AFF1: variants seen among roughly 807,000 people sequenced by gnomAD.
The protein encoded by AFF1 is ALF transcription elongation factor 1.
In AFF1, 48 loss-of-function variants were observed where a neutral mutation model predicts 121.7. The observed-to-expected ratio is 0.39, with a 90% confidence interval of 0.31 to 0.50. The LOEUF is 0.50. Among genes scored for constraint, AFF1 ranks in the 20% least tolerant of loss-of-function variants. AFF1 has a pLI of 0.76. For synonymous variants in AFF1, 613 were observed against 563.0 expected, an observed-to-expected ratio of 1.09 and a Z score of -1.26; for missense variants, 1,523 against 1,511.7, an observed-to-expected ratio of 1.01 and a Z score of -0.12.
intron 2 of AFF1, among the ~76,000 whole-genome samples, chr4:87,006,684 T>C (rs1726151928): frequency 6.6e-6 from 1 of 152,206 alleles, no homozygotes; most frequent in African/African-American, 2.4e-5. Flanking sequence ...TCAACAAATA[T>C]TCAAATTGGA....
At chr4:87,054,206 G>T (rs1662965896) in intron 4 of AFF1, among the ~76,000 whole-genome samples, 1 of 152,244 alleles carries the variant, frequency 6.6e-6, no homozygotes, top group Admixed American at 6.5e-5. Context: ...CCCTAGGGGG[G>T]CTGAGTTTGT....
At chr4:86,992,793 C>T (rs1274948398) in intron 2 of AFF1, among the ~76,000 whole-genome samples, 1 of 152,166 alleles carries the variant, frequency 6.6e-6, no homozygotes, top group East Asian at 1.9e-4. Context: ...TATAAAATGA[C>T]AAGATTTAAT....
chr4:86,963,764 A>C (rs1427005382), intron 2 of AFF1, among the ~76,000 whole-genome samples: 2 of 151,118 alleles, frequency 1.3e-5, no homozygotes, highest in African/African-American at 4.9e-5. Context: ...GTCATCCTTT[A>C]AGGTTCAGCT....
At chr4:87,042,036 CAG>C (rs1163303530) in intron 2 of AFF1, among the ~76,000 whole-genome samples, 1 of 150,414 alleles carries the variant, frequency 6.6e-6, no homozygotes, top group Non-Finnish European at 1.5e-5. Flanking sequence ...AAAGTTGCTA[CAG>C]AGTTTGTGAA....
intron 4 of AFF1, among the ~76,000 whole-genome samples, chr4:87,064,734 C>T (rs186157049): frequency 6.4e-4 from 98 of 152,148 alleles, no homozygotes; most frequent in Non-Finnish European, 1.2e-3. Flanking sequence ...CAAAAATTAG[C>T]CAGGCATGGT....
At chr4:86,986,189 G>C (rs1319794406) in intron 2 of AFF1, among the ~76,000 whole-genome samples, 5 of 151,696 alleles carry the variant, frequency 3.3e-5, no homozygotes, top group Non-Finnish European at 7.4e-5. Flanking sequence ...CTTGTGCCTC[G>C]ACCTCCCGAG....
intron 2 of AFF1, among the ~76,000 whole-genome samples, chr4:87,022,316 A>T (rs2149561149): frequency 6.6e-6 from 1 of 151,792 alleles, no homozygotes; most frequent in East Asian, 1.9e-4. Context: ...TTGTGCTAGG[A>T]GCCAAGGTAG....
At chr4:87,073,411 A>G (rs1722328815) in intron 4 of AFF1, among the ~76,000 whole-genome samples, 1 of 151,780 alleles carries the variant, frequency 6.6e-6, no homozygotes, top group Admixed American at 6.6e-5. Flanking sequence ...AGTGTCAGTA[A>G]TCCCCAGGGT....
Position 87,126,457 on chromosome 4 carries a change from CTGTT to C in AFF1, c.2811+125_2811+128del, listed in dbSNP as rs1728258078. The C allele has an allele frequency of 5.6e-6, 5 of 896,046 alleles. No homozygotes were observed. The East Asian group carries it at 7.4e-5, about 13-fold the overall frequency. The allele number at this position is 896,046 out of a possible 1,614,324, so 55.5% of individuals were successfully genotyped here. ...CTGTCCATTGCTTTTAATGAGGCAA[CTGTT>C]TGTGTTTAAAATGCTACTTTTTGGA... On this transcript the variant is annotated intron_variant, in intron 14 of 20. Transcript: ENST00000395146.
At chr4:87,035,326 C>G (rs554095811) in intron 2 of AFF1, among the ~76,000 whole-genome samples, 8 of 152,160 alleles carry the variant, frequency 5.3e-5, no homozygotes, top group African/African-American at 1.4e-4. Flanking sequence ...CTTTGGGAGG[C>G]CGAGGAGGGC....
rs1726114176 is a variant in AFF1 at position 87,108,185 on chromosome 4, T to C, written c.1403T>C (p.Val468Ala). The C allele has an allele frequency of 1.2e-6, 2 of 1,613,916 alleles. No homozygotes were observed. Among genetic ancestry groups the C allele is most frequent in the Non-Finnish European group, 8.5e-7 (1 of 1,179,958 alleles). Reference protein sequence around the residue: ...PSAPQSLPEPVASAHSSSAES... With the variant: ...PSAPQSLPEPAASAHSSSAES... ...GCTCCACAGTCCCTTCCAGAACCAG[T>C]GGCATCAGCACATTCCAGCAGTGCA... is the stretch of plus-strand genomic sequence containing the variant. Residue 468 changes from valine (V) to alanine (A), a missense_variant, in exon 11 of 21, where the codon GTG becomes GCG. By Grantham distance (64) the Val-to-Ala change is moderately conservative (BLOSUM62 0). Coordinates refer to ENST00000395146, the MANE Select transcript of AFF1 (RefSeq NM_001166693.3).
intron 2 of AFF1, among the ~76,000 whole-genome samples, chr4:86,958,283 C>T (rs1055650713): frequency 3.3e-5 from 5 of 151,484 alleles, no homozygotes; most frequent in East Asian, 2.0e-4. Flanking sequence ...TTAGTAGAAA[C>T]GGGGTTTCAC....
intron 2 of AFF1, 55 bp downstream of exon 2, chr4:86,948,626 C>G (rs1721037794): frequency 6.7e-7 from 1 of 1,484,782 alleles, no homozygotes; most frequent in Non-Finnish European, 9.1e-7. Context: ...TTATAATCTA[C>G]TTTTCAATGA....
In AFF1 at chr4:86,996,882, A is replaced by G. The variant is rs187520774; in HGVS notation, c.38+48311A>G. Among the ~76,000 whole-genome samples the G allele has an allele frequency of 2.0e-5, 3 of 152,298 alleles. No homozygotes were observed. In the East Asian group the frequency reaches 5.8e-4, roughly 29 times the overall value. On this transcript the variant is annotated intron_variant, in intron 2 of 20. Transcript: ENST00000395146. ...AAGATTAACGAGTTTATGGGTTACCATGGGAGGAGAACTGGTGGCTTTTAA... is the reference window on the plus strand; with the variant it reads ...AAGATTAACGAGTTTATGGGTTACCGTGGGAGGAGAACTGGTGGCTTTTAA...
intron 4 of AFF1, among the ~76,000 whole-genome samples, chr4:87,073,835 CT>C (rs1337043391): frequency 6.6e-6 from 1 of 152,212 alleles, no homozygotes; most frequent in Non-Finnish European, 1.5e-5. Flanking sequence ...ATTGTTTGCA[CT>C]TTCATTTGAC....
At chr4:87,028,370 G>A (rs1457687578) in intron 2 of AFF1, among the ~76,000 whole-genome samples, 1 of 151,600 alleles carries the variant, frequency 6.6e-6, no homozygotes, top group Non-Finnish European at 1.5e-5. Context: ...GGCCCATTTT[G>A]ACAGTGCATG....
intron 2 of AFF1, among the ~76,000 whole-genome samples, chr4:87,014,665 T>A (rs1213780207): frequency 1.3e-5 from 2 of 152,348 alleles, no homozygotes; most frequent in East Asian, 3.9e-4. Context: ...TTATACAGTG[T>A]AATTAAATTT....
At chr4:87,057,050 T>TA (rs1720219163) in intron 4 of AFF1, among the ~76,000 whole-genome samples, 1 of 152,198 alleles carries the variant, frequency 6.6e-6, no homozygotes, top group Non-Finnish European at 1.5e-5. Context: ...CCACAACACC[T>TA]ACATTATATT....
intron 2 of AFF1, among the ~76,000 whole-genome samples, chr4:86,958,998 A>G (rs1721954386): frequency 6.6e-6 from 1 of 152,128 alleles, no homozygotes; most frequent in African/African-American, 2.4e-5. Context: ...CTTCCAGGGG[A>G]CATTTGACAA....
Sources: gnomAD v4.1 joint callset for allele counts (sites outside exome capture counted in the v4.1 genomes callset) on GRCh38, gnomAD v4.1.1 for gene constraint, MANE v1.5 for transcripts, NCBI Gene and HGNC (gene_info 2026-07-23, HGNC 2026-07-21) for gene names.